Variants in PIK3R5 observed in about 807,000 individuals in gnomAD.
PIK3R5 encodes phosphoinositide 3-kinase regulatory subunit 5.
A neutral mutation model predicts 94.9 loss-of-function variants in PIK3R5; 32 were observed. The ratio of observed to expected loss-of-function variants is 0.34; its 90% CI spans 0.25 to 0.45. The LOEUF is 0.45. Among genes scored for constraint, PIK3R5 ranks in the 20% least tolerant of loss-of-function variants. The pLI is 1.00. For missense variants in PIK3R5, 853 were observed against 1,144.6 expected, an observed-to-expected ratio of 0.75 and a Z score of 3.68; for synonymous variants, 443 against 479.4, an observed-to-expected ratio of 0.92 and a Z score of 0.99.
chr17:8,964,749 A>G (rs2091634767), intron 1 of PIK3R5, among the ~76,000 whole-genome samples: 1 of 152,304 alleles, frequency 6.6e-6, no homozygotes, highest in Non-Finnish European at 1.5e-5. Flanking sequence ...GGATGAGAAG[A>G]CACAGAAGGA....
At position 8,886,108 on chromosome 17, in the gene PIK3R5, C is replaced by G. The variant is rs546768056; in HGVS notation, c.2128+121G>C. ...GTAACCCCGTCTCCCCAGGGGCCTA[C>G]CTCCTGTGCAACCCCACCTTCCCAT... is the stretch of plus-strand genomic sequence containing the variant. On this transcript the variant is annotated intron_variant, in intron 14 of 18. Coordinates refer to ENST00000447110, the MANE Select transcript of PIK3R5 (RefSeq NM_001142633.3). 2.8e-4 allele frequency: 205 copies of G among 732,446 alleles called. 1 individual carries two copies. In the South Asian group the frequency reaches 3.2e-3, roughly 12 times the overall value. 45.4% of individuals were successfully genotyped at this position (732,446 alleles called of 1,614,324 possible).
In PIK3R5 at chr17:8,909,112, G is replaced by C; in HGVS notation, c.166C>G (p.Leu56Val). 2 of 1,610,096 alleles carry C rather than the reference G, an allele frequency of 1.2e-6. No individual in the cohort carries two copies. Among genetic ancestry groups the C allele is most frequent in the Non-Finnish European group, 1.7e-6 (2 of 1,177,992 alleles). Residue 56 changes from leucine to valine, a missense_variant, in exon 3 of 19, where the codon CTT becomes GTT. Physicochemically the swap from Leu to Val is conservative, Grantham distance 32 (BLOSUM62 1). Around this residue, in one of 6 missense-constraint regions of PIK3R5, gnomAD observed 108 missense variants for 170.1 expected, o/e 0.63. Transcript: ENST00000447110. The surrounding 1 kb of genome is among the most constrained non-coding windows in gnomAD (Gnocchi z 4.3). ...TGCAGGATCTGCTCAAGGAGGATAA[G>C]GAAGTGGCCCGGGTCCCTGCTGACC... ...ELVSRDPGHF[L>V]ILLEQILQKT...
chr17:8,880,429 T>G lies in PIK3R5; in HGVS notation c.*210A>C. On this transcript the variant is annotated 3_prime_UTR_variant, in exon 19 of 19. Coordinates refer to ENST00000447110, the MANE Select transcript of PIK3R5 (RefSeq NM_001142633.3). ...GCCAGGAATCTAAGAGGCTATGGGG[T>G]CTGGCCCTTCTCTCTCTGATAGCTG... 1 of 494,460 alleles carries G rather than the reference T, an allele frequency of 2.0e-6. No homozygotes were observed. Among genetic ancestry groups the G allele is most frequent in the Non-Finnish European group, 3.5e-6 (1 of 281,726 alleles). 30.6% of individuals were successfully genotyped at this position (494,460 alleles called of 1,614,324 possible).
chr17:8,943,660 C>G (rs1389165633), intron 1 of PIK3R5, among the ~76,000 whole-genome samples: 1 of 152,122 alleles, frequency 6.6e-6, no homozygotes, highest in African/African-American at 2.4e-5. Context: ...GCAGTCCCAG[C>G]TGTTCAGGAG....
At chr17:8,883,804 C>T (rs1402690899) in intron 15 of PIK3R5, among the ~76,000 whole-genome samples, 1 of 152,152 alleles carries the variant, frequency 6.6e-6, no homozygotes, top group Non-Finnish European at 1.5e-5. Context: ...CAGCAGGTCT[C>T]CTGGGACCAC....
At chr17:8,948,062 A>G (rs12943587) in intron 1 of PIK3R5, among the ~76,000 whole-genome samples, 100 of 146,144 alleles carry the variant, frequency 6.8e-4, no homozygotes, top group East Asian at 1.6e-3. Context: ...AAAAAAAAAA[A>G]AAAAGAAAAG....
At chr17:8,898,376 G>C (rs1386842996) in intron 5 of PIK3R5, among the ~76,000 whole-genome samples, 2 of 152,342 alleles carry the variant, frequency 1.3e-5, no homozygotes, top group South Asian at 2.1e-4. Context: ...ATTCCCCAAG[G>C]GGGAGAGCGT....
chr17:8,925,621 C>A lies in PIK3R5; in HGVS notation c.-13-14114G>T, dbSNP rs995024533. Among the ~76,000 whole-genome samples the A allele has an allele frequency of 6.6e-6, 1 of 152,086 alleles. No homozygotes were observed. The highest frequency in any genetic ancestry group is 2.4e-5 in the African/African-American group (1 of 41,426). On this transcript the variant is annotated intron_variant, in intron 1 of 18. Transcript: ENST00000447110. The surrounding 1 kb of genome is among the most constrained non-coding windows in gnomAD (Gnocchi z 5.1). ...CCAAACTGAAACCAACACTGACAAG[C>A]CAGAATGAGGGATTGACATTATGTC...
chr17:8,940,444 C>G (rs945657525), intron 1 of PIK3R5, among the ~76,000 whole-genome samples: 3 of 152,232 alleles, frequency 2.0e-5, no homozygotes, highest in African/African-American at 7.2e-5. Context: ...CAGGAAAACT[C>G]ACGAAGGGAC....
intron 1 of PIK3R5, among the ~76,000 whole-genome samples, chr17:8,932,719 T>C (rs1009609949): frequency 6.6e-6 from 1 of 152,158 alleles, no homozygotes; most frequent in African/African-American, 2.4e-5. Flanking sequence ...TTTCAAAATA[T>C]GAACAGAGCC....
At position 8,911,322 on chromosome 17, in the gene PIK3R5, T is replaced by C. The variant is rs2151415253; in HGVS notation, c.103+70A>G. 7 of 1,208,348 alleles carry C rather than the reference T, an allele frequency of 5.8e-6. No individual in the cohort carries two copies. The highest frequency in any genetic ancestry group is 8.4e-6 in the Non-Finnish European group (7 of 829,268). 74.9% of individuals were successfully genotyped at this position (1,208,348 alleles called of 1,614,324 possible). Reference sequence around the variant, plus strand: ...AGAATTTGCCAGTTTCCATGCCTGGTCCAGTGCCCACCGTGGCCCCTGAGG... The same window carrying C: ...AGAATTTGCCAGTTTCCATGCCTGGCCCAGTGCCCACCGTGGCCCCTGAGG... On this transcript the variant is annotated intron_variant, in intron 2 of 18. Transcript: ENST00000447110. This position sits in a 1 kb window ranked among gnomAD's most constrained non-coding sequence, Gnocchi z 5.3.
chr17:8,894,126 G>T (rs141969049), intron 5 of PIK3R5, among the ~76,000 whole-genome samples: 4 of 152,330 alleles, frequency 2.6e-5, no homozygotes, highest in African/African-American at 7.2e-5. Context: ...TCCTGGGAAG[G>T]GCCAGATTAG....
chr17:8,913,042 G>A (rs2090559009), intron 1 of PIK3R5, among the ~76,000 whole-genome samples: 1 of 152,210 alleles, frequency 6.6e-6, no homozygotes, highest in African/African-American at 2.4e-5. Context: ...AAGCAGCTGT[G>A]CTCCTTGGTG....
chr17:8,902,127 G>A (rs1358330091), intron 5 of PIK3R5, among the ~76,000 whole-genome samples: 1 of 147,634 alleles, frequency 6.8e-6, no homozygotes, highest in South Asian at 2.1e-4. Context: ...AGTAGTGAGG[G>A]TGAATATTTT....
intron 3 of PIK3R5, among the ~76,000 whole-genome samples, chr17:8,908,571 A>ACACC (rs2090447526): frequency 6.6e-6 from 1 of 151,132 alleles, no homozygotes; most frequent in East Asian, 1.9e-4. Context: ...ACACACACAC[A>ACACC]CAACCATAAA....
At position 8,892,160 on chromosome 17, in the gene PIK3R5, C is replaced by T. The variant is rs1050408562; in HGVS notation, c.483-1248G>A. On this transcript the variant is annotated intron_variant, in intron 6 of 18. Transcript: ENST00000447110. This position sits in a 1 kb window ranked among gnomAD's most constrained non-coding sequence, Gnocchi z 4.3. ...TTAAACCCAGTGCAAAGGAGCACCA[C>T]GCAGGGCAGCATTCCCTCCACACTC... Among the ~76,000 whole-genome samples the T allele has an allele frequency of 2.6e-5, 4 of 152,150 alleles. No individual in the cohort carries two copies. Among genetic ancestry groups the T allele is most frequent in the Non-Finnish European group, 4.4e-5 (3 of 68,038 alleles).
chr17:8,885,089 G>A, intron 14 of PIK3R5: 1 of 382,706 alleles, frequency 2.6e-6, no homozygotes, highest in Non-Finnish European at 4.9e-6. Context: ...CCTCTCCAGG[G>A]CCCCATCTCC....
intron 1 of PIK3R5, among the ~76,000 whole-genome samples, chr17:8,930,854 T>C (rs1272853635): frequency 6.6e-6 from 1 of 152,230 alleles, no homozygotes; most frequent in African/African-American, 2.4e-5. Context: ...TATTGGTGGT[T>C]GCTAGGGTTA....
At chr17:8,921,767 A>C (rs2090751884) in intron 1 of PIK3R5, among the ~76,000 whole-genome samples, 1 of 152,170 alleles carries the variant, frequency 6.6e-6, no homozygotes, top group African/African-American at 2.4e-5. Context: ...CAATACCATA[A>C]AAAATTAATT....
Sources: allele counts gnomAD v4.1 joint callset (sites outside exome capture counted in the v4.1 genomes callset), GRCh38; gene constraint gnomAD v4.1.1; regional missense constraint gnomAD v4.1.1; non-coding constraint Gnocchi (gnomAD v3.1); transcripts MANE v1.5; gene names NCBI Gene and HGNC (gene_info 2026-07-23, HGNC 2026-07-21).